The following TEC variants were observed in gnomAD, a reference collection of about 807,000 sequenced individuals.
The protein encoded by TEC is tyrosine-protein kinase Tec.
A neutral mutation model predicts 93.0 loss-of-function variants in TEC; 72 were observed. The observed-to-expected ratio is 0.77, with a 90% confidence interval of 0.64 to 0.94. The LOEUF is 0.94. Among genes scored for constraint, TEC ranks in the 40% least tolerant of loss-of-function variants. TEC has a pLI of 0.00. For synonymous variants in TEC, 249 were observed against 247.7 expected (o/e 1.01, Z -0.05); for missense variants, 630 against 757.9 (o/e 0.83, Z 1.98).
intron 8 of TEC, among the ~76,000 whole-genome samples, chr4:48,158,822 C>T (rs1422091218): frequency 6.6e-6 from 1 of 152,130 alleles, no homozygotes; most frequent in African/African-American, 2.4e-5. Flanking sequence ...ATCCACTGCA[C>T]AAAAGGAAGG....
intron 2 of TEC, among the ~76,000 whole-genome samples, chr4:48,178,160 C>T (rs1483955189): frequency 7.2e-6 from 1 of 138,900 alleles, no homozygotes; most frequent in Non-Finnish European, 1.6e-5. Flanking sequence ...GCCAGGCTTT[C>T]GCTGCTGCTC....
At chr4:48,210,174 C>T (rs993069571) in intron 2 of TEC, among the ~76,000 whole-genome samples, 4 of 152,112 alleles carry the variant, frequency 2.6e-5, no homozygotes, top group African/African-American at 7.2e-5. Context: ...AGCAGACCCA[C>T]CTCTGTTGTC....
At chr4:48,170,522 A>G in intron 4 of TEC, 146 bp from the exon 5 acceptor site, 1 of 558,400 alleles carries the variant, frequency 1.8e-6, no homozygotes. Context: ...CAGCATTCAG[A>G]AAAGCTCTAT....
intron 1 of TEC, among the ~76,000 whole-genome samples, chr4:48,247,898 A>C (rs1724101215): frequency 6.6e-6 from 1 of 152,282 alleles, no homozygotes; most frequent in Admixed American, 6.5e-5. Context: ...TTAAGAAACA[A>C]TACATGTACA....
chr4:48,174,193 A>G (rs969540202), intron 3 of TEC, among the ~76,000 whole-genome samples: 1 of 152,194 alleles, frequency 6.6e-6, no homozygotes, highest in African/African-American at 2.4e-5. Flanking sequence ...TTAGTAGTTC[A>G]GGGATGGAAT....
chr4:48,244,146 T>C (rs980589118), intron 1 of TEC, among the ~76,000 whole-genome samples: 4 of 152,250 alleles, frequency 2.6e-5, no homozygotes, highest in South Asian at 2.1e-4. Flanking sequence ...CTTATATTAA[T>C]TTAAATATAT....
intron 17 of TEC, among the ~76,000 whole-genome samples, chr4:48,137,912 A>C (rs1423918658): frequency 2.6e-5 from 4 of 151,832 alleles, no homozygotes; most frequent in Non-Finnish European, 5.9e-5. Context: ...CCACCTCCTT[A>C]CCTTTGCTCA....
chr4:48,176,381 CTTTAA>C (rs1721325490), intron 2 of TEC, among the ~76,000 whole-genome samples, 195 bp from the exon 3 acceptor site: 1 of 151,362 alleles, frequency 6.6e-6, no homozygotes, highest in Non-Finnish European at 1.5e-5. Flanking sequence ...TTATTAAATC[CTTTAA>C]TTTATCAAGA....
intron 2 of TEC, among the ~76,000 whole-genome samples, chr4:48,212,110 A>AAAAAAAAAAAAAAAAATAT: frequency 4.9e-5 from 6 of 122,262 alleles, no homozygotes; most frequent in African/African-American, 1.8e-4. Flanking sequence ...AAAAAAAAAA[A>AAAAAAAAAAAAAAAAATAT]ATATATATAT....
At chr4:48,205,152 T>A (rs1231407335) in intron 2 of TEC, among the ~76,000 whole-genome samples, 1 of 152,240 alleles carries the variant, frequency 6.6e-6, no homozygotes, top group Non-Finnish European at 1.5e-5. Context: ...CAAGATTAAA[T>A]AAGTTGTAGA....
At chr4:48,235,168 C>A (rs1723752245) in intron 1 of TEC, among the ~76,000 whole-genome samples, 1 of 151,946 alleles carries the variant, frequency 6.6e-6, no homozygotes, top group Non-Finnish European at 1.5e-5. Context: ...TAAACTGATT[C>A]ACGTAGACTG....
At chr4:48,144,138 C>T (rs1719801963) in intron 14 of TEC, among the ~76,000 whole-genome samples, 2 of 152,100 alleles carry the variant, frequency 1.3e-5, no homozygotes, top group African/African-American at 4.8e-5. Flanking sequence ...TCGCTTGAAC[C>T]CGGGAGGTTG....
chr4:48,257,356 G>T (rs1170821327), intron 1 of TEC, among the ~76,000 whole-genome samples: 6 of 152,144 alleles, frequency 3.9e-5, no homozygotes, highest in Non-Finnish European at 8.8e-5. Flanking sequence ...GGGGCTTGGG[G>T]TGATATCCAG....
Position 48,190,119 on chromosome 4 carries a change from T to C in TEC, c.139-13933A>G, listed in dbSNP as rs564138234. On this transcript the variant is annotated intron_variant, in intron 2 of 17. Transcript: ENST00000381501. ...AAATACTTCATTTGTCTTAAGTACT[T>C]TTCCTGCAATTCTAGTGAGTATGTA... is the stretch of plus-strand genomic sequence containing the variant. 2.5e-4 allele frequency among the ~76,000 whole-genome samples: 38 copies of C among 152,346 alleles called. 2 individuals are homozygous for C. The South Asian group carries it at 7.9e-3, about 32-fold the overall frequency.
chr4:48,176,177 T>C lies in TEC; in HGVS notation c.148A>G (p.Arg50Gly). ...TTTGAAACATCAATAAACCCCTTTC[T>C]GTATTTCTTCTGTTAAAAGAAAAAA... ...YYEGRAEKKY[R>G]KGFIDVSKIK... The change falls in exon 3 of 18, where the codon AGA (arginine) becomes GGA (glycine). Residue 50 changes from arginine to glycine, a missense_variant. Physicochemically the swap from Arg to Gly is moderately radical, Grantham distance 125 (BLOSUM62 -2). Around this residue, in one of 3 missense-constraint regions of TEC, gnomAD observed 335 missense variants for 351.5 expected, o/e 0.95. Transcript: ENST00000381501. 1.9e-6 allele frequency: 3 copies of C among 1,609,910 alleles called. No homozygotes were observed. Among genetic ancestry groups the C allele is most frequent in the Non-Finnish European group, 2.5e-6 (3 of 1,176,724 alleles).
At chr4:48,247,387 G>GTA (rs1724083223) in intron 1 of TEC, among the ~76,000 whole-genome samples, 1 of 152,132 alleles carries the variant, frequency 6.6e-6, no homozygotes, top group Non-Finnish European at 1.5e-5. Context: ...CCACTCCTAG[G>GTA]TATATACCCA....
chr4:48,163,713 T>G lies in TEC; in HGVS notation c.726A>C (p.Leu242Phe). The change falls in exon 8 of 18, where the codon TTA (leucine) becomes TTC (phenylalanine). Residue 242 changes from leucine to phenylalanine, a missense_variant. Transcript: ENST00000381501. ...AAACATTTACTTACTCATATTGATC[T>G]AAGTTGTTTGATTTCTTTCCCGTTA... ...NYVTGKKSNN[L>F]DQYEWYCRNM... The G allele has an allele frequency of 6.7e-7, 1 of 1,490,232 alleles. No homozygotes were observed. Among genetic ancestry groups the G allele is most frequent in the Non-Finnish European group, 9.1e-7 (1 of 1,097,088 alleles). 92.3% of individuals were successfully genotyped at this position (1,490,232 alleles called of 1,614,324 possible).
chr4:48,223,838 A>T (rs1014340651), intron 2 of TEC, among the ~76,000 whole-genome samples: 1 of 152,170 alleles, frequency 6.6e-6, no homozygotes, highest in Non-Finnish European at 1.5e-5. Flanking sequence ...TTCCTTCTGG[A>T]GTCTGGAACC....
chr4:48,162,920 C>T (rs1455275000), intron 8 of TEC, among the ~76,000 whole-genome samples: 1 of 152,166 alleles, frequency 6.6e-6, no homozygotes, highest in African/African-American at 2.4e-5. Context: ...AGCAATTTGA[C>T]AGCATGCGTT....
Sources: gnomAD v4.1 joint callset for allele counts (sites outside exome capture counted in the v4.1 genomes callset) on GRCh38, gnomAD v4.1.1 for gene constraint, gnomAD v4.1.1 regional missense constraint, MANE v1.5 for transcripts, NCBI Gene and HGNC (gene_info 2026-07-23, HGNC 2026-07-21) for gene names.